The following LRRC4C variants were observed in gnomAD, a reference collection of about 807,000 sequenced individuals.
LRRC4C encodes leucine rich repeat containing 4C.
In LRRC4C, 5 loss-of-function variants were observed where a neutral mutation model predicts 33.6. That is an observed-to-expected ratio of 0.15 (90% CI 0.08 to 0.31). The LOEUF (loss-of-function observed/expected upper bound fraction) is 0.31, where lower values mean the gene tolerates loss of function less well. Among genes scored for constraint, LRRC4C ranks in the 10% least tolerant of loss-of-function variants. LRRC4C has a pLI of 1.00. For missense variants in LRRC4C, 560 were observed against 796.7 expected (o/e 0.70, Z 3.58); for synonymous variants, 329 against 302.0 (o/e 1.09, Z -0.93).
chr11:40,459,068 T>C (rs1565409643), intron 3 of LRRC4C, among the ~76,000 whole-genome samples: 1 of 152,140 alleles, frequency 6.6e-6, no homozygotes, highest in Non-Finnish European at 1.5e-5. Context: ...CATATAAATG[T>C]ATTATGCTCT....
At chr11:40,493,652 A>G (rs1364270335) in intron 3 of LRRC4C, among the ~76,000 whole-genome samples, 1 of 152,194 alleles carries the variant, frequency 6.6e-6, no homozygotes, top group Non-Finnish European at 1.5e-5. Flanking sequence ...TTGATAAACT[A>G]TTAAAACAAA....
intron 3 of LRRC4C, among the ~76,000 whole-genome samples, chr11:40,552,868 C>T (rs1957180180): frequency 6.6e-6 from 1 of 152,042 alleles, no homozygotes; most frequent in African/African-American, 2.4e-5. Context: ...GATGTGCCAG[C>T]CAACAAAGCT....
chr11:40,697,558 A>T (rs1945631786), intron 2 of LRRC4C, among the ~76,000 whole-genome samples: 1 of 152,228 alleles, frequency 6.6e-6, no homozygotes, highest in Admixed American at 6.5e-5. Context: ...ATGATGCTAC[A>T]TATGGATCTG....
chr11:41,426,380 C>T (rs543064067), intron 1 of LRRC4C: 2 of 152,262 alleles, frequency 1.3e-5, no homozygotes, highest in South Asian at 4.1e-4. Flanking sequence ...TGGAGCTGAC[C>T]ACACCTGGAA....
chr11:40,893,768 T>C (rs1955817437), intron 2 of LRRC4C, among the ~76,000 whole-genome samples: 1 of 151,936 alleles, frequency 6.6e-6, no homozygotes, highest in East Asian at 1.9e-4. Context: ...TTGGAGATTA[T>C]GGCTCTGATT....
At chr11:41,068,433 C>G (rs1938428138) in intron 1 of LRRC4C, among the ~76,000 whole-genome samples, 1 of 151,816 alleles carries the variant, frequency 6.6e-6, no homozygotes, top group African/African-American at 2.4e-5. Flanking sequence ...ATAAATGAAT[C>G]CAGGAGCTGT....
chr11:40,832,085 G>A (rs1952439021), intron 2 of LRRC4C, among the ~76,000 whole-genome samples: 1 of 151,986 alleles, frequency 6.6e-6, no homozygotes, highest in African/African-American at 2.4e-5. Context: ...AACTTAGTTG[G>A]CATAGCCCAG....
chr11:40,489,304 C>T (rs1252053534), intron 3 of LRRC4C, among the ~76,000 whole-genome samples: 1 of 152,044 alleles, frequency 6.6e-6, no homozygotes, highest in Non-Finnish European at 1.5e-5. Context: ...CCTACAATGT[C>T]CCCCTTGCTC....
chr11:41,147,346 C>T (rs879344973), intron 1 of LRRC4C, among the ~76,000 whole-genome samples: 9 of 152,152 alleles, frequency 5.9e-5, no homozygotes, highest in Admixed American at 5.9e-4. Flanking sequence ...CTTATCACCT[C>T]GGTGAGGAAG....
At chr11:40,858,130 T>C (rs989640371) in intron 2 of LRRC4C, among the ~76,000 whole-genome samples, 16 of 152,034 alleles carry the variant, frequency 1.1e-4, no homozygotes, top group African/African-American at 3.6e-4. Flanking sequence ...AAAAATGTAG[T>C]TCCTCAGTTA....
At chr11:40,765,580 C>G (rs1455930410) in intron 2 of LRRC4C, among the ~76,000 whole-genome samples, 1 of 152,004 alleles carries the variant, frequency 6.6e-6, no homozygotes, top group Non-Finnish European at 1.5e-5. Context: ...TCCAACATAA[C>G]ACAGAGAAGG....
chr11:40,649,202 C>T (rs551196323), intron 2 of LRRC4C, among the ~76,000 whole-genome samples: 3 of 152,258 alleles, frequency 2.0e-5, no homozygotes, highest in South Asian at 4.1e-4. Context: ...GCTGGAATTT[C>T]CCAATCCTAG....
intron 3 of LRRC4C, among the ~76,000 whole-genome samples, chr11:40,568,997 C>T (rs1179351032): frequency 4.6e-5 from 7 of 152,170 alleles, no homozygotes; most frequent in South Asian, 2.1e-4. Context: ...TTCCACTCCA[C>T]GGAGGATGTA....
At chr11:40,405,245 T>C (rs1214304598) in intron 3 of LRRC4C, among the ~76,000 whole-genome samples, 7 of 152,014 alleles carry the variant, frequency 4.6e-5, no homozygotes, top group Non-Finnish European at 7.4e-5. Flanking sequence ...GGTTCACTCA[T>C]ATTGTTACAA....
chr11:40,301,713 C>A (rs1330680821), intron 4 of LRRC4C, among the ~76,000 whole-genome samples: 2 of 152,136 alleles, frequency 1.3e-5, no homozygotes, highest in Non-Finnish European at 2.9e-5. Context: ...AAGATGAAGG[C>A]ATAGATTTCA....
In LRRC4C at chr11:40,506,805, A is replaced by G. The variant is rs139991247; in HGVS notation, c.-270+141337T>C. On this transcript the variant is annotated intron_variant, in intron 3 of 6. Coordinates refer to ENST00000528697, the MANE Select transcript of LRRC4C (RefSeq NM_001258419.2). Reference sequence around the variant, plus strand: ...GGCTAACAAATAAATGAACATGTATAAGGTCCCAAAATAGAAACATTTAGA... The same window carrying G: ...GGCTAACAAATAAATGAACATGTATGAGGTCCCAAAATAGAAACATTTAGA... 9.2e-5 allele frequency among the ~76,000 whole-genome samples: 14 copies of G among 152,236 alleles called. No individual in the cohort carries two copies. In the East Asian group the frequency reaches 2.3e-3, roughly 25 times the overall value.
intron 1 of LRRC4C, among the ~76,000 whole-genome samples, chr11:41,125,094 A>G (rs1461290299): frequency 6.6e-6 from 1 of 152,202 alleles, no homozygotes; most frequent in Non-Finnish European, 1.5e-5. Flanking sequence ...ACTATTATAT[A>G]GCCCCACCCA....
chr11:40,428,350 A>G (rs1950793732), intron 3 of LRRC4C, among the ~76,000 whole-genome samples: 1 of 152,202 alleles, frequency 6.6e-6, no homozygotes, highest in African/African-American at 2.4e-5. Flanking sequence ...GACTTGTTAC[A>G]TGGCTTTGGC....
At chr11:40,661,836 C>A (rs1943455523) in intron 2 of LRRC4C, among the ~76,000 whole-genome samples, 1 of 152,160 alleles carries the variant, frequency 6.6e-6, no homozygotes. Flanking sequence ...GTCTATGTGT[C>A]AACTCTGCTA....
Sources: allele counts gnomAD v4.1 joint callset (sites outside exome capture counted in the v4.1 genomes callset), GRCh38; gene constraint gnomAD v4.1.1; transcripts MANE v1.5; gene names NCBI Gene and HGNC (gene_info 2026-07-23, HGNC 2026-07-21).